The following DLGAP2 variants were observed in gnomAD, a reference collection of about 807,000 sequenced individuals.
The protein encoded by DLGAP2 is disks large-associated protein 2.
In DLGAP2, 26 loss-of-function variants were observed where a neutral mutation model predicts 100.3. The ratio of observed to expected loss-of-function variants is 0.26; its 90% CI spans 0.19 to 0.36. The LOEUF (loss-of-function observed/expected upper bound fraction) is 0.36, where lower values mean the gene tolerates loss of function less well. Ranked by LOEUF, DLGAP2 falls within the 10% of genes least tolerant of loss-of-function variation. The probability of loss-of-function intolerance (pLI) is 1.00; values close to 1 mark genes in which losing one functional copy is unlikely to be tolerated. For missense variants in DLGAP2, 1,858 were observed against 1,453.2 expected, an observed-to-expected ratio of 1.28 and a Z score of -4.53; for synonymous variants, 886 against 630.1, an observed-to-expected ratio of 1.41 and a Z score of -6.08.
intron 2 of DLGAP2, among the ~76,000 whole-genome samples, chr8:1,188,565 G>T (rs1243441836): frequency 1.3e-5 from 2 of 151,392 alleles, no homozygotes; most frequent in East Asian, 2.0e-4. Context: ...GGATCTCCGT[G>T]ATGTTTCCCT....
chr8:1,233,329 G>A (rs1363392346), intron 2 of DLGAP2, among the ~76,000 whole-genome samples: 1 of 152,208 alleles, frequency 6.6e-6, no homozygotes, highest in Non-Finnish European at 1.5e-5. Flanking sequence ...TTACAGAGAT[G>A]AGTCAGGCCT....
At chr8:1,095,280 G>A (rs1804330088) in intron 2 of DLGAP2, among the ~76,000 whole-genome samples, 1 of 152,222 alleles carries the variant, frequency 6.6e-6, no homozygotes, top group African/African-American at 2.4e-5. Context: ...AAAGAACAGA[G>A]AGATGGGTTT....
At chr8:1,546,911 G>GT (rs1801558892) in intron 4 of DLGAP2, among the ~76,000 whole-genome samples, 1 of 152,166 alleles carries the variant, frequency 6.6e-6, no homozygotes, top group Admixed American at 6.5e-5. Flanking sequence ...GGACAAACGT[G>GT]TGGGGGGATA....
chr8:936,921 G>A (rs1167378425), intron 2 of DLGAP2, among the ~76,000 whole-genome samples: 4 of 152,186 alleles, frequency 2.6e-5, no homozygotes, highest in African/African-American at 7.2e-5. Context: ...TTCACAAAGC[G>A]CACTGCGTGA....
At chr8:930,666 A>AC (rs1255917976) in intron 2 of DLGAP2, among the ~76,000 whole-genome samples, 1 of 149,550 alleles carries the variant, frequency 6.7e-6, no homozygotes. Flanking sequence ...TGGGCCAGAC[A>AC]CCAAGAGCAG....
chr8:1,593,654 G>C (rs890269250), intron 6 of DLGAP2, among the ~76,000 whole-genome samples: 1 of 151,876 alleles, frequency 6.6e-6, no homozygotes, highest in Non-Finnish European at 1.5e-5. Flanking sequence ...GGGAGGGAAG[G>C]ATCAGTTAGC....
At chr8:1,129,976 G>A (rs564678973) in intron 2 of DLGAP2, among the ~76,000 whole-genome samples, 3 of 152,186 alleles carry the variant, frequency 2.0e-5, no homozygotes, top group South Asian at 4.1e-4. Context: ...GTAAGGACAG[G>A]CAGTTCTAAT....
chr8:748,140 G>A (rs34258502), intron 1 of DLGAP2, among the ~76,000 whole-genome samples: 1 of 11,154 alleles, frequency 9.0e-5, no homozygotes, highest in African/African-American at 3.1e-4. Context: ...TGGGATGGGC[G>A]GGTCTGCGGT....
chr8:1,458,016 T>TAAC, intron 3 of DLGAP2, among the ~76,000 whole-genome samples: 1 of 102,536 alleles, frequency 9.8e-6, no homozygotes, highest in Admixed American at 1.0e-4. Flanking sequence ...ATATATATAA[T>TAAC]TTTTTATATG....
intron 2 of DLGAP2, among the ~76,000 whole-genome samples, chr8:1,161,140 T>C (rs1451885): frequency 0.83 from 126,546 of 152,236 alleles, 52,688 homozygotes; most frequent in Admixed American, 0.86. Context: ...TAGAAAACGG[T>C]CTTACATTTA....
At chr8:842,378 T>A (rs887865531) in intron 1 of DLGAP2, among the ~76,000 whole-genome samples, 3 of 152,266 alleles carry the variant, frequency 2.0e-5, no homozygotes, top group Non-Finnish European at 4.4e-5. Flanking sequence ...TTAAAGATGT[T>A]ATTCTGTATT....
chr8:1,561,939 G>A lies in DLGAP2; in HGVS notation c.1231-3744G>A, dbSNP rs1475818435. Reference sequence around the variant, plus strand: ...TGGGGTGTCCGCGCCTCGTTGCTGCGGGACTGTGTGGTGTTGGGGTGTCCG... The same window carrying A: ...TGGGGTGTCCGCGCCTCGTTGCTGCAGGACTGTGTGGTGTTGGGGTGTCCG... On this transcript the variant is annotated intron_variant, in intron 5 of 14. Transcript: ENST00000637795. Among the ~76,000 whole-genome samples, 2 of 66,444 alleles carry A rather than the reference G, an allele frequency of 3.0e-5. 1 individual carries two copies. Among genetic ancestry groups the A allele is most frequent in the Non-Finnish European group, 5.9e-5 (2 of 33,678 alleles). The allele number at this position is 66,444 out of a possible 152,430, so 43.6% of individuals were successfully genotyped here.
intron 3 of DLGAP2, among the ~76,000 whole-genome samples, chr8:1,438,378 C>T (rs1402087131): frequency 6.6e-6 from 1 of 152,086 alleles, no homozygotes; most frequent in Non-Finnish European, 1.5e-5. Flanking sequence ...TCATCAGATT[C>T]GCTGCTTAGG....
intron 3 of DLGAP2, among the ~76,000 whole-genome samples, chr8:1,467,751 G>T (rs952831947): frequency 6.6e-6 from 1 of 152,076 alleles, no homozygotes; most frequent in African/African-American, 2.4e-5. Flanking sequence ...CCAGTAAGGG[G>T]GGCAGAGTGG....
At chr8:1,481,722 C>T (rs983487041) in intron 3 of DLGAP2, among the ~76,000 whole-genome samples, 1 of 152,034 alleles carries the variant, frequency 6.6e-6, no homozygotes, top group African/African-American at 2.4e-5. Context: ...AGGTGATCCA[C>T]CCGCCTCAGC....
intron 1 of DLGAP2, among the ~76,000 whole-genome samples, chr8:744,442 C>T (rs111370987): frequency 0.024 from 3,646 of 152,234 alleles, 172 homozygotes; most frequent in African/African-American, 0.084. Flanking sequence ...GACGCCTCCT[C>T]GAGGTACAGA....
chr8:894,334 C>G (rs1798097247), intron 1 of DLGAP2, among the ~76,000 whole-genome samples: 1 of 152,130 alleles, frequency 6.6e-6, no homozygotes, highest in African/African-American at 2.4e-5. Flanking sequence ...CAGGGCTGCC[C>G]TCCCCTCTGA....
chr8:1,420,611 C>T (rs778464454), intron 3 of DLGAP2, among the ~76,000 whole-genome samples: 6 of 152,162 alleles, frequency 3.9e-5, no homozygotes, highest in Non-Finnish European at 8.8e-5. Context: ...AATGTCAAAG[C>T]CTGTGGGTCA....
At chr8:802,555 G>C (rs994990219) in intron 1 of DLGAP2, among the ~76,000 whole-genome samples, 3 of 152,204 alleles carry the variant, frequency 2.0e-5, no homozygotes, top group African/African-American at 7.2e-5. Flanking sequence ...GGCACATCCA[G>C]CTCTGTGCCA....
Sources: gnomAD v4.1 joint callset for allele counts (sites outside exome capture counted in the v4.1 genomes callset) on GRCh38, gnomAD v4.1.1 for gene constraint, MANE v1.5 for transcripts, NCBI Gene and HGNC (gene_info 2026-07-23, HGNC 2026-07-21) for gene names.